TBC1D1: variants seen among roughly 807,000 people sequenced by gnomAD.
The protein encoded by TBC1D1 is TBC1 domain family member 1, also known as TBC1 (tre-2/USP6, BUB2, cdc16) domain family, member 1.
TBC1D1 carries 89 observed loss-of-function variants against 125.6 expected under a neutral mutation model. That is an observed-to-expected ratio of 0.71 (90% confidence interval 0.60 to 0.85). The LOEUF is 0.85. Among genes scored for constraint, TBC1D1 ranks in the 40% least tolerant of loss-of-function variants. The pLI is 0.00. For missense variants in TBC1D1, 1,377 were observed against 1,469.2 expected (o/e 0.94, Z 1.03); for synonymous variants, 565 against 564.1 (o/e 1.00, Z -0.02).
chr4:38,053,706 TATCATC>T (rs755359845), intron 11 of TBC1D1, among the ~76,000 whole-genome samples: 1 of 152,276 alleles, frequency 6.6e-6, no homozygotes, highest in Admixed American at 6.5e-5. Context: ...TTAAAACAAT[TATCATC>T]ATCAAGTGAC....
chr4:38,034,075 C>G (rs777040648), intron 7 of TBC1D1, among the ~76,000 whole-genome samples: 1 of 152,220 alleles, frequency 6.6e-6, no homozygotes, highest in Admixed American at 6.5e-5. Context: ...CAAGAAACTG[C>G]TGGCCTGTTT....
At chr4:38,038,549 T>C (rs1747661037) in intron 8 of TBC1D1, among the ~76,000 whole-genome samples, 1 of 152,228 alleles carries the variant, frequency 6.6e-6, no homozygotes, top group Non-Finnish European at 1.5e-5. Flanking sequence ...TTTGGGGAGA[T>C]TAAATTTACA....
chr4:37,932,266 T>C (rs1300920453), intron 2 of TBC1D1, among the ~76,000 whole-genome samples: 1 of 152,228 alleles, frequency 6.6e-6, no homozygotes, highest in Non-Finnish European at 1.5e-5. Flanking sequence ...TTATCCCACT[T>C]AACTTAGAGA....
chr4:37,975,625 C>T (rs138965236), intron 2 of TBC1D1, among the ~76,000 whole-genome samples: 301 of 152,314 alleles, frequency 2.0e-3, no homozygotes, highest in African/African-American at 6.7e-3. Flanking sequence ...CTGGTGTTAC[C>T]GCTAGACCAA....
Position 38,029,389 on chromosome 4 carries a change from CAG to C in TBC1D1, c.1302+1513_1302+1514del, listed in dbSNP as rs144711802. Among the ~76,000 whole-genome samples the C allele has an allele frequency of 6.2e-4, 94 of 152,210 alleles. No homozygotes were observed. In the East Asian group the frequency reaches 0.018, roughly 29 times the overall value. On this transcript the variant is annotated intron_variant, in intron 7 of 19. Transcript: ENST00000261439. ...CTCTCTCTTTGTTGTTTTTTTGAGA[CAG>C]AGTCTCGCTCTGTTGCCCAGAGCCG...
chr4:38,098,930 A>G (rs1010696444), intron 14 of TBC1D1, among the ~76,000 whole-genome samples: 4 of 152,246 alleles, frequency 2.6e-5, no homozygotes, highest in African/African-American at 7.2e-5. Flanking sequence ...TAGGGTATCA[A>G]TTTAGGAGAA....
At chr4:37,910,430 T>C (rs935985102) in intron 2 of TBC1D1, among the ~76,000 whole-genome samples, 3 of 152,256 alleles carry the variant, frequency 2.0e-5, no homozygotes, top group South Asian at 2.1e-4. Flanking sequence ...TCAATAGTTT[T>C]TTTATAATGA....
intron 11 of TBC1D1, among the ~76,000 whole-genome samples, 158 bp from the exon 14 acceptor site, chr4:38,054,041 T>C (rs1372033422): frequency 6.6e-6 from 1 of 152,268 alleles, no homozygotes; most frequent in Non-Finnish European, 1.5e-5. Context: ...TCTTTAGGAA[T>C]GATGACCCAC....
intron 12 of TBC1D1, among the ~76,000 whole-genome samples, chr4:38,081,385 A>C (rs1277716279): frequency 6.7e-6 from 1 of 149,558 alleles, no homozygotes; most frequent in Non-Finnish European, 1.5e-5. Flanking sequence ...CCAAAACCCC[A>C]CCCCTCTCCC....
In TBC1D1 at chr4:38,081,289, G is replaced by A. The variant is rs181955708; in HGVS notation, c.2051-8643G>A. Among the ~76,000 whole-genome samples the A allele has an allele frequency of 6.6e-3, 999 of 152,272 alleles. 30 individuals are homozygous for A. Among genetic ancestry groups the A allele is most frequent in the Non-Finnish European group, 3.8e-3 (260 of 68,020 alleles). ...GAGGAGGCGTCTGGGGTCCCTCGGGGCAGGTGCAGCAGGAGGAAGCCGTCT... is the reference window on the plus strand; with the variant it reads ...GAGGAGGCGTCTGGGGTCCCTCGGGACAGGTGCAGCAGGAGGAAGCCGTCT... On this transcript the variant is annotated intron_variant, in intron 12 of 19. Transcript: ENST00000261439.
At chr4:38,093,226 A>T (rs1248129970) in intron 13 of TBC1D1, among the ~76,000 whole-genome samples, 1 of 152,108 alleles carries the variant, frequency 6.6e-6, no homozygotes, top group Non-Finnish European at 1.5e-5. Context: ...GCTGACTTGC[A>T]TACTCTTTGG....
chr4:38,021,730 A>G lies in TBC1D1; in HGVS notation c.1210+12A>G. On this transcript the variant is annotated intron_variant, in intron 6 of 19. Coordinates refer to ENST00000261439, the MANE Select transcript of TBC1D1 (RefSeq NM_015173.4). The stretch of plus-strand genomic sequence containing the variant: ...TGAGAGGATAGAGGGTGAGTAGGGG[A>G]CCCTTTCCAGCATGAACACAGTGGG... The G allele has an allele frequency of 6.5e-7, 1 of 1,537,124 alleles. No homozygotes were observed. The highest frequency in any genetic ancestry group is 8.7e-7 in the Non-Finnish European group (1 of 1,143,290).
At chr4:38,052,020 A>G in intron 11 of TBC1D1, 1 of 1,551,054 alleles carries the variant, frequency 6.4e-7, no homozygotes, top group Non-Finnish European at 8.7e-7. Flanking sequence ...CCTAAAACAT[A>G]ATTCCAGTGG....
chr4:38,066,106 G>A (rs1187707510), intron 12 of TBC1D1, among the ~76,000 whole-genome samples: 1 of 152,136 alleles, frequency 6.6e-6, no homozygotes, highest in Non-Finnish European at 1.5e-5. Context: ...AGTTTTACGA[G>A]TAAATTATCA....
intron 2 of TBC1D1, among the ~76,000 whole-genome samples, chr4:37,905,260 A>T (rs907772798): frequency 1.3e-5 from 2 of 152,222 alleles, no homozygotes; most frequent in Non-Finnish European, 1.5e-5. Flanking sequence ...TATATACATA[A>T]GCTTTATTTC....
intron 14 of TBC1D1, among the ~76,000 whole-genome samples, chr4:38,097,591 C>T (rs987314391): frequency 3.3e-5 from 5 of 152,272 alleles, no homozygotes; most frequent in Non-Finnish European, 5.9e-5. Context: ...ATCCACCCAC[C>T]TTGGCCTCCC....
chr4:38,086,283 T>C (rs535574130), intron 12 of TBC1D1, among the ~76,000 whole-genome samples: 28 of 152,282 alleles, frequency 1.8e-4, no homozygotes, highest in Non-Finnish European at 3.2e-4. Flanking sequence ...GAGGTTCTTA[T>C]TAGAGGTGGT....
At chr4:38,051,795 C>A in intron 11 of TBC1D1, 104 bp from the exon 12 acceptor site, 1 of 1,134,764 alleles carries the variant, frequency 8.8e-7, no homozygotes, top group Non-Finnish European at 1.2e-6. Context: ...GTTACTGGAA[C>A]AACGAGACAA....
At chr4:38,116,008 A>C (rs1762928596) in intron 16 of TBC1D1, 54 bp downstream of exon 18, 2 of 1,589,916 alleles carry the variant, frequency 1.3e-6, no homozygotes, top group Non-Finnish European at 8.6e-7. Flanking sequence ...AATGTTTCTT[A>C]TCCCTCTCCA....
Sources: allele counts gnomAD v4.1 joint callset (sites outside exome capture counted in the v4.1 genomes callset), GRCh38; gene constraint gnomAD v4.1.1; transcripts MANE v1.5; gene names NCBI Gene and HGNC (gene_info 2026-07-23, HGNC 2026-07-21).